Variants in FBXW7 observed in about 807,000 individuals in gnomAD.
The protein encoded by FBXW7 is F-box and WD repeat domain containing 7.
FBXW7 carries 11 observed loss-of-function variants against 86.3 expected under a neutral mutation model. The ratio of observed to expected loss-of-function variants is 0.13; its 90% confidence interval spans 0.08 to 0.21. The LOEUF is 0.21. Among genes scored for constraint, FBXW7 ranks in the 10% least tolerant of loss-of-function variants. The pLI is 1.00. For synonymous variants in FBXW7, 313 were observed against 297.9 expected (o/e 1.05, Z -0.52); for missense variants, 488 against 847.4 (o/e 0.58, Z 5.27).
chr4:152,380,421 G>A (rs183003148), intron 4 of FBXW7, among the ~76,000 whole-genome samples: 1 of 151,910 alleles, frequency 6.6e-6, no homozygotes, highest in East Asian at 1.9e-4. Context: ...ATTATTGGCC[G>A]GCAGGCTAAA....
At chr4:152,327,869 G>T (rs1192026410) in intron 11 of FBXW7, among the ~76,000 whole-genome samples, 1 of 151,666 alleles carries the variant, frequency 6.6e-6, no homozygotes, top group Non-Finnish European at 1.5e-5. Context: ...TCCCACTTGC[G>T]GAAATAAGAA....
intron 4 of FBXW7, chr4:152,382,281 T>G (rs1196151057): frequency 6.2e-7 from 1 of 1,603,538 alleles, no homozygotes; most frequent in Non-Finnish European, 8.5e-7. Flanking sequence ...TTTGCACTTT[T>G]AAGATCAACA....
intron 2 of FBXW7, among the ~76,000 whole-genome samples, chr4:152,422,803 A>G (rs1739059434): frequency 6.6e-6 from 1 of 152,210 alleles, no homozygotes; most frequent in Non-Finnish European, 1.5e-5. Flanking sequence ...ATTCTTAATT[A>G]CATCCTGTAT....
chr4:152,379,984 C>T (rs1734909861), intron 4 of FBXW7, among the ~76,000 whole-genome samples: 3 of 152,066 alleles, frequency 2.0e-5, no homozygotes, highest in African/African-American at 7.2e-5. Context: ...TAACTTGACT[C>T]AGTATCTATG....
At chr4:152,447,848 A>C (rs1361810775) in intron 2 of FBXW7, among the ~76,000 whole-genome samples, 3 of 152,206 alleles carry the variant, frequency 2.0e-5, no homozygotes, top group African/African-American at 7.2e-5. Context: ...GAAATCTACG[A>C]ATGTGAGGAA....
chr4:152,496,922 C>T (rs1303697785), intron 2 of FBXW7, among the ~76,000 whole-genome samples: 1 of 152,116 alleles, frequency 6.6e-6, no homozygotes, highest in Non-Finnish European at 1.5e-5. Context: ...TTAAAATTAA[C>T]ACAATATTGT....
intron 4 of FBXW7, among the ~76,000 whole-genome samples, chr4:152,370,536 T>A (rs1294568832): frequency 6.6e-6 from 1 of 151,976 alleles, no homozygotes; most frequent in Non-Finnish European, 1.5e-5. Context: ...AAACATGGAA[T>A]TCCACTATAA....
At chr4:152,323,521 G>T in intron 13 of FBXW7, 1 of 246,068 alleles carries the variant, frequency 4.1e-6, no homozygotes, top group Non-Finnish European at 7.9e-6. Context: ...CCACCACCAT[G>T]AACCACTCAA....
At chr4:152,398,123 C>T (rs940622614) in intron 4 of FBXW7, among the ~76,000 whole-genome samples, 5 of 151,720 alleles carry the variant, frequency 3.3e-5, no homozygotes, top group African/African-American at 9.7e-5. Flanking sequence ...TGACAGTGCA[C>T]ATAATTACTG....
At chr4:152,357,730 A>C (rs1028041850) in intron 4 of FBXW7, among the ~76,000 whole-genome samples, 1 of 152,112 alleles carries the variant, frequency 6.6e-6, no homozygotes, top group African/African-American at 2.4e-5. Flanking sequence ...CAACAGTGTA[A>C]GTTTTTTCAT....
chr4:152,527,871 C>T lies in FBXW7; in HGVS notation c.-120+7070G>A, dbSNP rs879263214. Among the ~76,000 whole-genome samples the T allele has an allele frequency of 1.2e-3, 182 of 149,792 alleles. 1 individual carries two copies. Among genetic ancestry groups the T allele is most frequent in the Middle Eastern group, 3.4e-3 (1 of 292 alleles). ...TAAAAATTTAAAAATTATATACACA[C>T]ACACACACACACACACACACACACA... On this transcript the variant is annotated intron_variant, in intron 2 of 13. Coordinates refer to ENST00000281708, the MANE Select transcript of FBXW7 (RefSeq NM_001349798.2).
intron 7 of FBXW7, among the ~76,000 whole-genome samples, chr4:152,333,844 A>G (rs1170979091): frequency 6.6e-6 from 1 of 152,148 alleles, no homozygotes; most frequent in Non-Finnish European, 1.5e-5. Flanking sequence ...ACTTGAGGCC[A>G]GGAGTTCGAC....
At chr4:152,386,289 C>A (rs1252805845) in intron 4 of FBXW7, among the ~76,000 whole-genome samples, 1 of 152,042 alleles carries the variant, frequency 6.6e-6, no homozygotes, top group East Asian at 1.9e-4. Context: ...CTAACTTAGT[C>A]CAAATCCTGG....
intron 4 of FBXW7, among the ~76,000 whole-genome samples, chr4:152,390,742 T>C (rs1402959162): frequency 6.6e-6 from 1 of 152,028 alleles, no homozygotes; most frequent in Non-Finnish European, 1.5e-5. Flanking sequence ...CTTTCTCTTA[T>C]AAAAATTCTT....
chr4:152,337,236 CTGTATTTG>C (rs1205206610), intron 7 of FBXW7, among the ~76,000 whole-genome samples: 1 of 151,710 alleles, frequency 6.6e-6, no homozygotes, highest in Non-Finnish European at 1.5e-5. Context: ...TATGGGAAAT[CTGTATTTG>C]TGTAATGGAG....
intron 4 of FBXW7, among the ~76,000 whole-genome samples, chr4:152,387,293 A>G (rs1735604997): frequency 6.6e-6 from 1 of 152,216 alleles, no homozygotes; most frequent in Non-Finnish European, 1.5e-5. Flanking sequence ...CATGCTAAAA[A>G]GTATACCATT....
chr4:152,535,313 G>A lies in FBXW7; in HGVS notation c.-399C>T. 1 of 321,002 alleles carries A rather than the reference G, an allele frequency of 3.1e-6. No homozygotes were observed. The highest frequency in any genetic ancestry group is 5.0e-5 in the Admixed American group (1 of 20,132). The allele number at this position is 321,002 out of a possible 1,614,324, so 19.9% of individuals were successfully genotyped here. A position where few individuals can be genotyped will look rare whatever the true frequency, so the allele number is the denominator to read the frequency against. ...CCGCCCTCGGGACTGGGGCGGGGGA[G>A]GGGGGCTCTAGGAACTCCTCCCGGA... is the stretch of plus-strand genomic sequence containing the variant. On this transcript the variant is annotated 5_prime_UTR_variant, in exon 1 of 14. Coordinates refer to ENST00000281708, the MANE Select transcript of FBXW7 (RefSeq NM_001349798.2).
chr4:152,384,102 T>C (rs1018828267), intron 4 of FBXW7, among the ~76,000 whole-genome samples: 2 of 152,170 alleles, frequency 1.3e-5, no homozygotes, highest in Non-Finnish European at 2.9e-5. Context: ...TGAATGTAGC[T>C]GCTGTAGAAA....
At chr4:152,408,807 G>C (rs182121205) in intron 4 of FBXW7, among the ~76,000 whole-genome samples, 1 of 152,196 alleles carries the variant, frequency 6.6e-6, no homozygotes, top group Non-Finnish European at 1.5e-5. Flanking sequence ...CTCTCATCAC[G>C]TAGTGTAATC....
Sources: gnomAD v4.1 joint callset for allele counts (sites outside exome capture counted in the v4.1 genomes callset) on GRCh38, gnomAD v4.1.1 for gene constraint, MANE v1.5 for transcripts, NCBI Gene and HGNC (gene_info 2026-07-23, HGNC 2026-07-21) for gene names.